The following TENM3 variants were observed in gnomAD, a reference collection of about 807,000 sequenced individuals.
The protein encoded by TENM3 is teneurin-3.
In TENM3, 63 loss-of-function variants were observed where a neutral mutation model predicts 255.1. The ratio of observed to expected loss-of-function variants is 0.25; its 90% CI spans 0.20 to 0.30. The LOEUF (loss-of-function observed/expected upper bound fraction) is 0.30. Ranked by LOEUF, TENM3 falls within the 10% of genes least tolerant of loss-of-function variation. The probability of loss-of-function intolerance (pLI) is 1.00; values close to 1 mark genes in which losing one functional copy is unlikely to be tolerated. For synonymous variants in TENM3, 1,306 were observed against 1,322.3 expected (o/e 0.99, Z 0.27); for missense variants, 2,929 against 3,461.1 (o/e 0.85, Z 3.86).
chr4:182,361,590 T>C (rs1474565408), intron 3 of TENM3, among the ~76,000 whole-genome samples: 1 of 152,038 alleles, frequency 6.6e-6, no homozygotes, highest in Admixed American at 6.5e-5. Context: ...TAAGCACTTC[T>C]CTGTATTGGT....
At chr4:182,021,713 T>C in the TENM3 span, among the ~76,000 whole-genome samples, 1 of 129,306 alleles carries the variant, frequency 7.7e-6, no homozygotes, top group East Asian at 2.0e-4. Flanking sequence ...AAATTGGTGG[T>C]GCCCAATATT....
the TENM3 span, among the ~76,000 whole-genome samples, chr4:181,919,927 C>T: frequency 7.6e-6 from 1 of 131,520 alleles, no homozygotes; most frequent in Non-Finnish European, 1.6e-5. Context: ...TGTTCCCCTT[C>T]CTGTGTCCAT....
At chr4:181,957,587 A>G in the TENM3 span, among the ~76,000 whole-genome samples, 1 of 152,204 alleles carries the variant, frequency 6.6e-6, no homozygotes, top group Non-Finnish European at 1.5e-5. Context: ...GTGCCAGTAT[A>G]TCAGCAGACG....
intron 22 of TENM3, among the ~76,000 whole-genome samples, chr4:182,760,407 C>A (rs1763085139): frequency 6.6e-6 from 1 of 152,170 alleles, no homozygotes; most frequent in Admixed American, 6.5e-5. Context: ...AATGGCATTT[C>A]ACAGTTCTCT....
In TENM3 at chr4:182,789,560, A is replaced by G. The variant is rs566203735; in HGVS notation, c.5601+171A>G. Among the ~76,000 whole-genome samples the G allele has an allele frequency of 6.6e-6, 1 of 152,376 alleles. No individual in the cohort carries two copies. The highest frequency in any genetic ancestry group is 2.4e-5 in the African/African-American group (1 of 41,592). ...CACAGCAGTGATGAATTTCTGCATT[A>G]GCAAAGTAGTTTCTCCTTAGTTAAG... On this transcript the variant is annotated intron_variant, in intron 25 of 27. Coordinates refer to ENST00000511685, the MANE Select transcript of TENM3 (RefSeq NM_001080477.4). The surrounding 1 kb of genome is among the most constrained non-coding windows in gnomAD (Gnocchi z 4.4).
chr4:181,693,931 G>C, the TENM3 span, among the ~76,000 whole-genome samples: 1 of 152,030 alleles, frequency 6.6e-6, no homozygotes, highest in Non-Finnish European at 1.5e-5. Flanking sequence ...ATCTTTTGGG[G>C]GTGATCAGAG....
the TENM3 span, among the ~76,000 whole-genome samples, chr4:181,877,467 T>C: frequency 2.6e-5 from 4 of 152,162 alleles, no homozygotes; most frequent in Non-Finnish European, 2.9e-5. Context: ...AATTAGTACT[T>C]TCTTTAGTTT....
the TENM3 span, among the ~76,000 whole-genome samples, chr4:181,956,215 C>T: frequency 6.6e-6 from 1 of 152,136 alleles, no homozygotes; most frequent in African/African-American, 2.4e-5. Flanking sequence ...GATCTAATCA[C>T]CTCCCATAGG....
the TENM3 span, among the ~76,000 whole-genome samples, chr4:181,826,320 G>C: frequency 4.2e-4 from 64 of 152,308 alleles, no homozygotes; most frequent in African/African-American, 1.5e-3. Context: ...ACAATTGTTA[G>C]ATGTTGGTAG....
At position 182,385,480 on chromosome 4, in the gene TENM3, G is replaced by T. The variant is rs1055710155; in HGVS notation, c.511+38551G>T. ...GGATTTCGCCAAGCTGGCCAGGCTGGTCTCGAACCTCTAACCTCAGGTGAT... is the reference window on the plus strand; with the variant it reads ...GGATTTCGCCAAGCTGGCCAGGCTGTTCTCGAACCTCTAACCTCAGGTGAT... On this transcript the variant is annotated intron_variant, in intron 3 of 27. Transcript: ENST00000511685. Among the ~76,000 whole-genome samples the T allele has an allele frequency of 6.6e-5, 10 of 152,138 alleles. No individual in the cohort carries two copies. In the East Asian group the frequency reaches 1.9e-3, roughly 30 times the overall value.
intron 2 of TENM3, among the ~76,000 whole-genome samples, chr4:182,335,707 TA>T (rs1764093618): frequency 6.6e-6 from 1 of 151,946 alleles, no homozygotes; most frequent in Non-Finnish European, 1.5e-5. Context: ...TTTTAAAATT[TA>T]AAACCTTTTA....
the TENM3 span, among the ~76,000 whole-genome samples, chr4:182,094,803 A>G: frequency 6.6e-6 from 1 of 152,184 alleles, no homozygotes; most frequent in African/African-American, 2.4e-5. Flanking sequence ...CAGAAATGGA[A>G]AAGTGCAGAA....
chr4:182,543,815 C>T (rs904161036), intron 3 of TENM3, among the ~76,000 whole-genome samples: 6 of 151,608 alleles, frequency 4.0e-5, no homozygotes, highest in African/African-American at 4.8e-5. Context: ...TACATACTGT[C>T]GCTATAGGAT....
rs912186646 is a variant in TENM3 at position 182,789,015 on chromosome 4, A to G, written c.5305-78A>G. ...TGACAAAGAGAATCAATCATCGTAAATGGTGTTTAAACAATACTGGGGACT... is the reference window on the plus strand; with the variant it reads ...TGACAAAGAGAATCAATCATCGTAAGTGGTGTTTAAACAATACTGGGGACT... On this transcript the variant is annotated intron_variant, in intron 24 of 27. Coordinates refer to ENST00000511685, the MANE Select transcript of TENM3 (RefSeq NM_001080477.4). This position sits in a 1 kb window ranked among gnomAD's most constrained non-coding sequence, Gnocchi z 4.4. 22 of 1,255,792 alleles carry G rather than the reference A, an allele frequency of 1.8e-5. No individual in the cohort carries two copies. Among genetic ancestry groups the G allele is most frequent in the Admixed American group, 5.3e-5 (2 of 37,760 alleles). 77.8% of individuals were successfully genotyped at this position (1,255,792 alleles called of 1,614,324 possible). A position where few individuals can be genotyped will look rare whatever the true frequency, so the allele number is the denominator to read the frequency against.
At chr4:181,757,727 A>G in the TENM3 span, among the ~76,000 whole-genome samples, 10 of 152,340 alleles carry the variant, frequency 6.6e-5, no homozygotes, top group South Asian at 1.7e-3. Flanking sequence ...CAGTCTACCC[A>G]TACTTGTGTG....
chr4:182,643,910 AT>A (rs926168630), intron 5 of TENM3, among the ~76,000 whole-genome samples: 56 of 152,198 alleles, frequency 3.7e-4, no homozygotes, highest in Admixed American at 4.6e-4. Flanking sequence ...TCAGCATGGT[AT>A]TTTTAAAGTC....
chr4:182,444,677 G>C (rs1298290429), intron 3 of TENM3, among the ~76,000 whole-genome samples: 1 of 151,602 alleles, frequency 6.6e-6, no homozygotes, highest in African/African-American at 2.4e-5. Context: ...TTTTTATTTT[G>C]CTCCTTCTCA....
intron 3 of TENM3, among the ~76,000 whole-genome samples, chr4:182,387,117 G>C (rs542629986): frequency 6.6e-6 from 1 of 152,064 alleles, no homozygotes; most frequent in South Asian, 2.1e-4. Context: ...TGCACCAACC[G>C]ACACCCTGTA....
the TENM3 span, among the ~76,000 whole-genome samples, chr4:181,746,995 T>C: frequency 1.3e-5 from 2 of 152,124 alleles, no homozygotes; most frequent in East Asian, 1.9e-4. Flanking sequence ...CATATGTATA[T>C]ATTTGAGAAA....
Sources: gnomAD v4.1 joint callset for allele counts (sites outside exome capture counted in the v4.1 genomes callset) on GRCh38, gnomAD v4.1.1 for gene constraint, Gnocchi (gnomAD v3.1) non-coding constraint, MANE v1.5 for transcripts, NCBI Gene and HGNC (gene_info 2026-07-23, HGNC 2026-07-21) for gene names.